Variants in ESPL1 observed in about 807,000 individuals in gnomAD.
The protein encoded by ESPL1 is extra spindle pole bodies like 1, separase, also known as separin.
A neutral mutation model predicts 217.2 loss-of-function variants in ESPL1; 50 were observed. That is an observed-to-expected ratio of 0.23 (90% confidence interval 0.18 to 0.29). The LOEUF (loss-of-function observed/expected upper bound fraction) is 0.29, where lower values mean the gene tolerates loss of function less well. Among genes scored for constraint, ESPL1 ranks in the 10% least tolerant of loss-of-function variants. The probability of loss-of-function intolerance (pLI) is 1.00; values close to 1 mark genes in which losing one functional copy is unlikely to be tolerated. For synonymous variants in ESPL1, 994 were observed against 1,081.3 expected (o/e 0.92, Z 1.58); for missense variants, 1,834 against 2,603.0 (o/e 0.70, Z 6.43).
intron 6 of ESPL1, 75 bp from the exon 7 acceptor site, chr12:53,274,742 T>G: frequency 8.0e-7 from 1 of 1,247,768 alleles, no homozygotes; most frequent in Non-Finnish European, 1.2e-6. Context: ...ATGTACCTAT[T>G]GCATGCATAT....
intron 11 of ESPL1, among the ~76,000 whole-genome samples, chr12:53,279,382 A>G (rs1383880408): frequency 6.6e-6 from 1 of 152,230 alleles, no homozygotes; most frequent in Admixed American, 6.5e-5. Context: ...TCTGCCACAT[A>G]CCTGTTATAT....
At chr12:53,279,600 A>C (rs1943826971) in intron 11 of ESPL1, 132 bp from the exon 12 acceptor site, 1 of 1,018,822 alleles carries the variant, frequency 9.8e-7, no homozygotes, top group African/African-American at 1.6e-5. Context: ...TGATTGCTTC[A>C]TCTGGGTAAC....
chr12:53,282,682 T>G lies in ESPL1; in HGVS notation c.2791+247T>G, dbSNP rs1214167457. On this transcript the variant is annotated intron_variant, in intron 14 of 30. Coordinates refer to ENST00000257934, the MANE Select transcript of ESPL1 (RefSeq NM_012291.5). This position sits in a 1 kb window ranked among gnomAD's most constrained non-coding sequence, Gnocchi z 4.0. ...TTTCTTTTTTTTCTAAGACGGAGTTTCGCTGTTGTCACCCAGGCTGGAGTG... is the reference window on the plus strand; with the variant it reads ...TTTCTTTTTTTTCTAAGACGGAGTTGCGCTGTTGTCACCCAGGCTGGAGTG... Among the ~76,000 whole-genome samples, 2 of 152,192 alleles carry G rather than the reference T, an allele frequency of 1.3e-5. No homozygotes were observed. Among genetic ancestry groups the G allele is most frequent in the African/African-American group, 4.8e-5 (2 of 41,450 alleles).
At position 53,282,271 on chromosome 12, in the gene ESPL1, A is replaced by G; in HGVS notation, c.2627A>G (p.Lys876Arg). 1 of 1,613,846 alleles carries G rather than the reference A, an allele frequency of 6.2e-7. No homozygotes were observed. Among genetic ancestry groups the G allele is most frequent in the Admixed American group, 1.7e-5 (1 of 59,990 alleles). The change falls in exon 14 of 31, where the codon AAG becomes AGG. Residue 876 changes from lysine (K) to arginine (R), a missense_variant. Around this residue, in one of 5 missense-constraint regions of ESPL1, gnomAD observed 746 missense variants for 1,077.0 expected, o/e 0.69. Transcript: ENST00000257934. The surrounding 1 kb of genome is among the most constrained non-coding windows in gnomAD (Gnocchi z 4.0). ...QLYWTHQKVT[K>R]GVSLLLSVLR... is the part of the protein sequence containing the mutation. Reference sequence around the variant, plus strand: ...GCTCCTTCTCTCCTTCAGGTGACCAAGGGTGTCTCTCTGCTGCTGTCTGTG... The same window carrying G: ...GCTCCTTCTCTCCTTCAGGTGACCAGGGGTGTCTCTCTGCTGCTGTCTGTG...
At chr12:53,278,588 G>A (rs1943810278) in intron 11 of ESPL1, among the ~76,000 whole-genome samples, 1 of 148,638 alleles carries the variant, frequency 6.7e-6, no homozygotes, top group Non-Finnish European at 1.5e-5. Context: ...ACATTCTTAT[G>A]TGTGCCTTCT....
At chr12:53,288,734 G>A in intron 20 of ESPL1, 35 bp downstream of exon 20, 1 of 1,585,206 alleles carries the variant, frequency 6.3e-7, no homozygotes, top group Non-Finnish European at 8.6e-7. Context: ...GTCACTTGGA[G>A]AGGGCTGAGC....
chr12:53,286,328 C>G lies in ESPL1; in HGVS notation c.3592C>G (p.Leu1198Val). The G allele has an allele frequency of 6.2e-7, 1 of 1,614,224 alleles. No homozygotes were observed. Among genetic ancestry groups the G allele is most frequent in the East Asian group, 2.2e-5 (1 of 44,888 alleles). ...GGGCTGTCCTGAAGCCGCTGAGCGC[C>G]TCACCCAAGCTCTCCAAGCTTCCCT... is the stretch of plus-strand genomic sequence containing the variant. Reference protein sequence around the residue: ...LKGCPEAAERLTQALQASLNH... With the variant: ...LKGCPEAAERVTQALQASLNH... Residue 1198 changes from leucine (L) to valine (V), a missense_variant, in exon 18 of 31, where the codon CTC (leucine) becomes GTC (valine). Transcript: ENST00000257934. The surrounding 1 kb of genome is among the most constrained non-coding windows in gnomAD (Gnocchi z 5.3).
rs776505790 is a variant in ESPL1, at chr12:53,274,954, C to T, written c.1644C>T (p.Phe548=). The part of the protein sequence containing the change: ...SPEHMAEPVT[F]WVRVKMDAAR... Reference sequence around the variant, plus strand: ...AACACATGGCTGAGCCAGTCACTTTCTGGGTTCGGGTCAAGATGGATGCGG... The same window carrying T: ...AACACATGGCTGAGCCAGTCACTTTTTGGGTTCGGGTCAAGATGGATGCGG... Residue 548 remains phenylalanine, a synonymous_variant, in exon 7 of 31, where the codon TTC becomes TTT. Transcript: ENST00000257934. 6.3e-7 allele frequency: 1 copy of T among 1,592,550 alleles called. No homozygotes were observed. Among genetic ancestry groups the T allele is most frequent in the Non-Finnish European group, 8.5e-7 (1 of 1,170,078 alleles).
At position 53,270,057 on chromosome 12, in the gene ESPL1, C is replaced by G. The variant is rs979250219; in HGVS notation, c.1115C>G (p.Ser372Cys). ...TTTGCTTTTCTTGGAGGGTACTGCT[C>G]TCTTCTGCAGCAGCTGCGGGATGAT... ...SLFAFLGGYC[S>C]LLQQLRDDGV... The change falls in exon 3 of 31, where the codon TCT becomes TGT. Residue 372 changes from serine (S) to cysteine (C), a missense_variant. Around this residue, in one of 5 missense-constraint regions of ESPL1, gnomAD observed 746 missense variants for 1,077.0 expected, o/e 0.69. Transcript: ENST00000257934. The G allele has an allele frequency of 1.2e-6, 2 of 1,612,582 alleles. No individual in the cohort carries two copies. The highest frequency in any genetic ancestry group is 1.3e-5 in the African/African-American group (1 of 74,952).
At chr12:53,273,032 C>CAT (rs1351034715) in intron 6 of ESPL1, among the ~76,000 whole-genome samples, 175 bp downstream of exon 6, 1 of 144,356 alleles carries the variant, frequency 6.9e-6, no homozygotes, top group Non-Finnish European at 1.5e-5. Context: ...ACTGTTGACT[C>CAT]ATTTTTTTTT....
chr12:53,275,119 G>C, intron 7 of ESPL1, 109 bp downstream of exon 7: 1 of 794,996 alleles, frequency 1.3e-6, no homozygotes, highest in Non-Finnish European at 1.9e-6. Flanking sequence ...GGCCAACATG[G>C]TGAAACCCCG....
In ESPL1 at chr12:53,289,764, A is replaced by T. The variant is rs574475373; in HGVS notation, c.5113+170A>T. On this transcript the variant is annotated intron_variant, in intron 22 of 30. Transcript: ENST00000257934. ...ATCAGGAAGGTTTGTTGTTTTTTTT[A>T]AACCTCAACTTTGAATTACCAGCAA... is the stretch of plus-strand genomic sequence containing the variant. 2.6e-4 allele frequency: 169 copies of T among 648,874 alleles called. 1 individual carries two copies. The highest frequency in any genetic ancestry group is 5.7e-4 in the Admixed American group (18 of 31,610). The allele number at this position is 648,874 out of a possible 1,614,324, so 40.2% of individuals were successfully genotyped here. A position where few individuals can be genotyped will look rare whatever the true frequency, so the allele number is the denominator to read the frequency against.
At position 53,270,729 on chromosome 12, in the gene ESPL1, G is replaced by T. The variant is rs771426538; in HGVS notation, c.1300G>T (p.Val434Phe). 1 of 1,614,022 alleles carries T rather than the reference G, an allele frequency of 6.2e-7. No individual in the cohort carries two copies. The highest frequency in any genetic ancestry group is 1.3e-5 in the African/African-American group (1 of 74,906). ...TQLVDSCKSTVVWMLEALEGL... is the reference protein window; with the variant it reads ...TQLVDSCKSTFVWMLEALEGL... The stretch of plus-strand genomic sequence containing the variant: ...ACTAGTGGACAGTTGTAAATCTACC[G>T]TTGTCTGGATGCTGGAGGCCTTAGA... The change falls in exon 5 of 31, where the codon GTT (valine) becomes TTT (phenylalanine). Residue 434 changes from valine to phenylalanine, a missense_variant. Val to Phe is a conservative substitution (Grantham distance 50). Transcript: ENST00000257934.
In ESPL1 at chr12:53,288,212, A is replaced by T; in HGVS notation, c.4417A>T (p.Arg1473Trp). The T allele has an allele frequency of 6.2e-7, 1 of 1,610,984 alleles. No individual in the cohort carries two copies. Among genetic ancestry groups the T allele is most frequent in the Non-Finnish European group, 8.5e-7 (1 of 1,179,048 alleles). Residue 1473 changes from arginine (R) to tryptophan (W), a missense_variant, in exon 19 of 31, where the codon AGG becomes TGG. Physicochemically the swap from Arg to Trp is moderately radical, Grantham distance 101. Around this residue, in one of 5 missense-constraint regions of ESPL1, gnomAD observed 681 missense variants for 808.0 expected, o/e 0.84. Coordinates refer to ENST00000257934, the MANE Select transcript of ESPL1 (RefSeq NM_012291.5). ...ACATTGTGAGGAGCGGCGTCCCCAG[A>T]GGGCCAGTGACCAGGCCAGGCCTGG... ...SRHCEERRPQ[R>W]ASDQARPGPE... is the part of the protein sequence containing the mutation.
chr12:53,290,603 A>C, intron 24 of ESPL1, 134 bp downstream of exon 24: 3 of 862,956 alleles, frequency 3.5e-6, no homozygotes, highest in Non-Finnish European at 5.3e-6. Context: ...CCTAAATTTA[A>C]AAATATGTCA....
chr12:53,290,473 T>A lies in ESPL1; in HGVS notation c.5364+4T>A. 6.2e-7 allele frequency: 1 copy of A among 1,612,020 alleles called. No individual in the cohort carries two copies. The highest frequency in any genetic ancestry group is 8.5e-7 in the Non-Finnish European group (1 of 1,179,320). On this transcript the variant is annotated splice_donor_region_variant and intron_variant, in intron 24 of 30. Transcript: ENST00000257934. ...GGCACTGGACCACAGGATGGAGGTG[T>A]GTGCTTCTGGGGTGGGGTCAGGCCT...
intron 11 of ESPL1, among the ~76,000 whole-genome samples, chr12:53,278,488 T>TTA (rs1555186514): frequency 2.0e-5 from 3 of 146,724 alleles, no homozygotes; most frequent in South Asian, 2.2e-4. Flanking sequence ...GCTATTTCAT[T>TTA]AAAAAAAAAA....
chr12:53,271,970 C>T (rs1037480009), intron 5 of ESPL1, among the ~76,000 whole-genome samples: 1 of 151,902 alleles, frequency 6.6e-6, no homozygotes, highest in Non-Finnish European at 1.5e-5. Flanking sequence ...GCCTGTACTC[C>T]CAGCTACTCA....
At chr12:53,291,588 C>CA (rs575172551) in intron 25 of ESPL1, 102 bp from the exon 26 acceptor site, 11,149 of 1,092,890 alleles carry the variant, frequency 0.01, 5 homozygotes, top group Middle Eastern at 0.014. Flanking sequence ...AAGACTCTGT[C>CA]AAAAAAAAAA....
Sources: allele counts gnomAD v4.1 joint callset (sites outside exome capture counted in the v4.1 genomes callset), GRCh38; gene constraint gnomAD v4.1.1; regional missense constraint gnomAD v4.1.1; non-coding constraint Gnocchi (gnomAD v3.1); transcripts MANE v1.5; gene names NCBI Gene and HGNC (gene_info 2026-07-23, HGNC 2026-07-21).